The following GLMN variants were observed in gnomAD, a reference collection of about 807,000 sequenced individuals.
GLMN encodes the protein glomulin, FKBP associated protein, also known as glomulin.
A neutral mutation model predicts 87.8 loss-of-function variants in GLMN; 75 were observed. The ratio of observed to expected loss-of-function variants is 0.85; its 90% CI spans 0.71 to 1.04. GLMN has a LOEUF of 1.04. Among genes scored for constraint, GLMN ranks in the 50% least tolerant of loss-of-function variants. GLMN has a pLI of 0.00. For synonymous variants in GLMN, 206 were observed against 221.6 expected (o/e 0.93, Z 0.63); for missense variants, 588 against 658.8 (o/e 0.89, Z 1.18).
the GLMN span, chr1:92,324,204 C>T: frequency 6.2e-7 from 1 of 1,614,122 alleles, no homozygotes; most frequent in African/African-American, 1.3e-5. Flanking sequence ...AATCTCAGAA[C>T]AGCTTGGATG....
intron 5 of GLMN, among the ~76,000 whole-genome samples, chr1:92,289,858 T>C (rs1649199134): frequency 6.6e-6 from 1 of 152,204 alleles, no homozygotes; most frequent in Non-Finnish European, 1.5e-5. Context: ...GATTTAGTAC[T>C]GCAGACACCA....
chr1:92,297,898 A>T (rs1650319856), intron 2 of GLMN, 63 bp downstream of exon 2: 1 of 861,392 alleles, frequency 1.2e-6, no homozygotes, highest in Non-Finnish European at 2.0e-6. Context: ...AATATAATTA[A>T]AAACAATCTG....
Position 92,298,521 on chromosome 1 carries a change from T to C in GLMN, c.-31+404A>G, listed in dbSNP as rs976248606. Among the ~76,000 whole-genome samples the C allele has an allele frequency of 4.6e-5, 7 of 152,262 alleles. No homozygotes were observed. The South Asian group carries it at 6.2e-4, about 14-fold the overall frequency. ...TTGGGGTGCAACACAAGCTTATCTA[T>C]AGGGGGTGAAGATTCAGATGCCCTC... On this transcript the variant is annotated intron_variant, in intron 1 of 18. Transcript: ENST00000370360.
At chr1:92,275,454 A>G (rs1414996306) in intron 7 of GLMN, among the ~76,000 whole-genome samples, 1 of 152,038 alleles carries the variant, frequency 6.6e-6, no homozygotes, top group Non-Finnish European at 1.5e-5. Context: ...AAACACTTGT[A>G]TTTTTCCCTC....
chr1:92,320,454 G>A, the GLMN span: 1 of 549,410 alleles, frequency 1.8e-6, no homozygotes, highest in African/African-American at 1.9e-5. Context: ...TGTATTTTTA[G>A]TAGAGATGGG....
the GLMN span, chr1:92,307,345 T>G: frequency 9.7e-7 from 1 of 1,034,698 alleles, no homozygotes; most frequent in Non-Finnish European, 1.4e-6. Flanking sequence ...TTTTTGAGAT[T>G]AGCTGAGAGT....
chr1:92,349,260 A>G, the GLMN span, among the ~76,000 whole-genome samples: 3 of 152,344 alleles, frequency 2.0e-5, no homozygotes, highest in South Asian at 4.1e-4. Flanking sequence ...GTCACTTAAG[A>G]TGAATATAAG....
the GLMN span, among the ~76,000 whole-genome samples, chr1:92,341,543 C>T: frequency 6.6e-6 from 1 of 152,140 alleles, no homozygotes; most frequent in Non-Finnish European, 1.5e-5. Context: ...GTGCGTGGAA[C>T]AGTGATAATA....
chr1:92,301,797 AGTAC>A (rs1159640601), upstream of GLMN, among the ~76,000 whole-genome samples: 2 of 152,236 alleles, frequency 1.3e-5, no homozygotes, highest in East Asian at 3.8e-4. Context: ...ATGAAAAATA[AGTAC>A]GTAACAAGGT....
At chr1:92,317,082 T>C in the GLMN span, among the ~76,000 whole-genome samples, 284 of 152,324 alleles carry the variant, frequency 1.9e-3, 1 homozygote, top group African/African-American at 6.1e-3. Context: ...TGGGTCTTTT[T>C]CTAACACTAA....
intron 7 of GLMN, 22 bp downstream of exon 7, chr1:92,286,468 A>T (rs756814505): frequency 3.8e-6 from 4 of 1,046,046 alleles, no homozygotes; most frequent in Non-Finnish European, 6.0e-6. Flanking sequence ...AGATTATAGC[A>T]GATTAAATTA....
At chr1:92,331,818 T>A in the GLMN span, among the ~76,000 whole-genome samples, 1 of 152,176 alleles carries the variant, frequency 6.6e-6, no homozygotes, top group Non-Finnish European at 1.5e-5. Context: ...CTTCTCTTAG[T>A]ATCAGTTGAT....
the GLMN span, among the ~76,000 whole-genome samples, chr1:92,344,758 A>C: frequency 6.6e-6 from 1 of 152,126 alleles, no homozygotes; most frequent in Admixed American, 6.5e-5. Flanking sequence ...TGGTATTGTC[A>C]GTCTTTCATT....
At chr1:92,259,732 C>CTTT (rs58390058) in intron 16 of GLMN, among the ~76,000 whole-genome samples, 84 of 108,224 alleles carry the variant, frequency 7.8e-4, no homozygotes, top group East Asian at 2.3e-3. Flanking sequence ...TTTTTTCTTT[C>CTTT]TTTTTTTTTT....
At chr1:92,343,113 C>T in the GLMN span, among the ~76,000 whole-genome samples, 3 of 151,052 alleles carry the variant, frequency 2.0e-5, no homozygotes. Flanking sequence ...GACCTAAGGC[C>T]AGAGGCCCTG....
At chr1:92,328,448 C>T in the GLMN span, among the ~76,000 whole-genome samples, 1 of 152,168 alleles carries the variant, frequency 6.6e-6, no homozygotes, top group African/African-American at 2.4e-5. Flanking sequence ...CTGAGACTTT[C>T]CAGTGCATTT....
chr1:92,263,314 C>T (rs1029514415), intron 15 of GLMN, among the ~76,000 whole-genome samples: 2 of 151,938 alleles, frequency 1.3e-5, no homozygotes, highest in African/African-American at 2.4e-5. Context: ...AACCTAAACA[C>T]ATAAATTACA....
intron 6 of GLMN, among the ~76,000 whole-genome samples, chr1:92,286,984 CTGTTA>C (rs1338377827): frequency 6.6e-6 from 1 of 152,184 alleles, no homozygotes; most frequent in East Asian, 1.9e-4. Context: ...CTTAGGTATT[CTGTTA>C]TATCAGCACA....
chr1:92,363,348 G>A, the GLMN span, among the ~76,000 whole-genome samples: 10 of 152,320 alleles, frequency 6.6e-5, no homozygotes, highest in Admixed American at 6.5e-4. Flanking sequence ...GGTCTCAGAG[G>A]AGGCACAAGG....
Sources: allele counts gnomAD v4.1 joint callset (sites outside exome capture counted in the v4.1 genomes callset), GRCh38; gene constraint gnomAD v4.1.1; transcripts MANE v1.5; gene names NCBI Gene and HGNC (gene_info 2026-07-23, HGNC 2026-07-21).